The following GAS6 variants were observed in gnomAD, a reference collection of about 807,000 sequenced individuals.
The protein encoded by GAS6 is growth arrest-specific protein 6.
GAS6 carries 41 observed loss-of-function variants against 75.8 expected under a neutral mutation model. The ratio of observed to expected loss-of-function variants is 0.54; its 90% CI spans 0.42 to 0.70. The LOEUF (loss-of-function observed/expected upper bound fraction) is 0.70. Ranked by LOEUF, GAS6 falls within the 30% of genes least tolerant of loss-of-function variation. GAS6 has a pLI of 0.00. For synonymous variants in GAS6, 432 were observed against 412.6 expected, an observed-to-expected ratio of 1.05 and a Z score of -0.57; for missense variants, 854 against 940.2, an observed-to-expected ratio of 0.91 and a Z score of 1.20.
At position 113,828,998 on chromosome 13, in the gene GAS6, C is replaced by T. The variant is rs1278171815; in HGVS notation, c.1144-287G>A. Among the ~76,000 whole-genome samples, 14 of 98,660 alleles carry T rather than the reference C, an allele frequency of 1.4e-4. 3 individuals are homozygous for T. Among genetic ancestry groups the T allele is most frequent in the Admixed American group, 3.7e-4 (4 of 10,828 alleles). 64.7% of individuals were successfully genotyped at this position (98,660 alleles called of 152,430 possible). A position where few individuals can be genotyped will look rare whatever the true frequency, so the allele number is the denominator to read the frequency against. On this transcript the variant is annotated intron_variant, in intron 10 of 14. Coordinates refer to ENST00000327773, the MANE Select transcript of GAS6 (RefSeq NM_000820.4). The stretch of plus-strand genomic sequence containing the variant: ...ATCCTCCCCTGAGCCAAGAGGGTCC[C>T]GATCTCAGGGAGACCACCTGATCCT...
At chr13:113,840,521 T>G (rs921168888) in intron 4 of GAS6, 1 of 152,070 alleles carries the variant, frequency 6.6e-6, no homozygotes, top group African/African-American at 2.4e-5. Flanking sequence ...TCCCAAGCAG[T>G]CCCCCATCCG....
At position 113,839,873 on chromosome 13, in the gene GAS6, A is replaced by G. The variant is rs761852258; in HGVS notation, c.344-23T>C. ...GGTCTGATTGGGGACACAAAGTGGA[A>G]AATCATGTTCAGCTGCCCCACCCCT... On this transcript the variant is annotated intron_variant, in intron 4 of 14. Coordinates refer to ENST00000327773, the MANE Select transcript of GAS6 (RefSeq NM_000820.4). 3 of 1,613,344 alleles carry G rather than the reference A, an allele frequency of 1.9e-6. No homozygotes were observed. In the African/African-American group the frequency reaches 4.0e-5, roughly 22 times the overall value.
At chr13:113,838,245 A>G in intron 5 of GAS6, 54 bp from the exon 6 acceptor site, 1 of 1,597,452 alleles carries the variant, frequency 6.3e-7, no homozygotes. Flanking sequence ...GCCCCTGGCT[A>G]CGGTAGGAAG....
Position 113,863,482 on chromosome 13 carries a change from A to G in GAS6, c.255+93T>C, listed in dbSNP as rs2051989753. On this transcript the variant is annotated intron_variant, in intron 2 of 14. Coordinates refer to ENST00000327773, the MANE Select transcript of GAS6 (RefSeq NM_000820.4). The surrounding 1 kb of genome is among the most constrained non-coding windows in gnomAD (Gnocchi z 9.4). Reference sequence around the variant, plus strand: ...CCTGAGGCCAGGCCTCGCCGCGCGGAGCTGGGGGGCGGCAGCAGCGCTGCC... The same window carrying G: ...CCTGAGGCCAGGCCTCGCCGCGCGGGGCTGGGGGGCGGCAGCAGCGCTGCC... 7.8e-7 allele frequency: 1 copy of G among 1,287,360 alleles called. No individual in the cohort carries two copies. The highest frequency in any genetic ancestry group is 1.6e-5 in the African/African-American group (1 of 62,988). 79.7% of individuals were successfully genotyped at this position (1,287,360 alleles called of 1,614,324 possible). A position where few individuals can be genotyped will look rare whatever the true frequency, so the allele number is the denominator to read the frequency against.
intron 14 of GAS6, 21 bp from the exon 15 acceptor site, chr13:113,821,039 AAC>A: frequency 6.2e-7 from 1 of 1,609,566 alleles, no homozygotes; most frequent in Non-Finnish European, 8.5e-7. Flanking sequence ...GGGAGAGAAC[AAC>A]ATATCTTAGC....
At position 113,844,511 on chromosome 13, in the gene GAS6, G is replaced by A. The variant is rs1438059552; in HGVS notation, c.343+2016C>T. The A allele has an allele frequency of 1.3e-5, 2 of 150,586 alleles. 1 individual carries two copies. The allele number at this position is 150,586 out of a possible 1,614,324, so 9.3% of individuals were successfully genotyped here. A position where few individuals can be genotyped will look rare whatever the true frequency, so the allele number is the denominator to read the frequency against. On this transcript the variant is annotated intron_variant, in intron 4 of 14. Transcript: ENST00000327773. This position sits in a 1 kb window ranked among gnomAD's most constrained non-coding sequence, Gnocchi z 5.7. Reference sequence around the variant, plus strand: ...TCCAAGGGACGGACAGGACGGTGCCGGGGTTAGGAAAGCGCAACACTGTTC... The same window carrying A: ...TCCAAGGGACGGACAGGACGGTGCCAGGGTTAGGAAAGCGCAACACTGTTC...
Position 113,827,076 on chromosome 13 carries a change from G to A in GAS6, c.1397C>T (p.Thr466Met), listed in dbSNP as rs778770154. 4.2e-5 allele frequency: 67 copies of A among 1,613,464 alleles called. No individual in the cohort carries two copies. Among genetic ancestry groups the A allele is most frequent in the East Asian group, 6.7e-5 (3 of 44,882 alleles). ...TTIQETVKVN[T>M]RMQCFSVTER... ...CGTCACCGAGAAGCACTGCATCCTC[G>A]TGTTCACTTTCACCGTTTCCTGGAT... Residue 466 changes from threonine to methionine, a missense_variant, in exon 12 of 15, where the codon ACG (threonine) becomes ATG (methionine). Physicochemically the swap from Thr to Met is moderately conservative, Grantham distance 81. Coordinates refer to ENST00000327773, the MANE Select transcript of GAS6 (RefSeq NM_000820.4).
chr13:113,857,181 G>A (rs1018207425), intron 2 of GAS6, among the ~76,000 whole-genome samples: 1 of 152,108 alleles, frequency 6.6e-6, no homozygotes, highest in African/African-American at 2.4e-5. Flanking sequence ...ATTTGAAAAC[G>A]GAGCCCCAGA....
Position 113,863,887 on chromosome 13 carries a change from G to C in GAS6, c.34C>G (p.Leu12Val). 3.6e-5 allele frequency: 43 copies of C among 1,199,880 alleles called. No homozygotes were observed. The highest frequency in any genetic ancestry group is 4.3e-5 in the Non-Finnish European group (42 of 969,956). 74.3% of individuals were successfully genotyped at this position (1,199,880 alleles called of 1,614,324 possible). A position where few individuals can be genotyped will look rare whatever the true frequency, so the allele number is the denominator to read the frequency against. The change falls in exon 1 of 15, where the codon CTG becomes GTG. Residue 12 changes from leucine (L) to valine (V), a missense_variant. Leu to Val is a conservative substitution (Grantham distance 32). Coordinates refer to ENST00000327773, the MANE Select transcript of GAS6 (RefSeq NM_000820.4). The surrounding 1 kb of genome is among the most constrained non-coding windows in gnomAD (Gnocchi z 9.4). ...APSLSPGPAA[L>V]RRAPQLLLLL... ...AGCAGCAGCTGCGGCGCGCGGCGCA[G>C]GGCGGCGGGCCCGGGCGAGAGCGAA...
intron 2 of GAS6, among the ~76,000 whole-genome samples, chr13:113,858,587 CTG>C (rs996505637): frequency 1.9e-4 from 27 of 142,730 alleles, no homozygotes; most frequent in African/African-American, 6.0e-4. Context: ...CTGTGTGTGA[CTG>C]TGTACGTATG....
At chr13:113,850,810 C>A (rs1175289627) in intron 2 of GAS6, among the ~76,000 whole-genome samples, 2 of 146,460 alleles carry the variant, frequency 1.4e-5, no homozygotes, top group East Asian at 2.1e-4. Flanking sequence ...GGATGAATGA[C>A]TGAACAGATG....
intron 2 of GAS6, among the ~76,000 whole-genome samples, chr13:113,849,396 G>A (rs548096718): frequency 9.2e-5 from 14 of 152,272 alleles, no homozygotes; most frequent in African/African-American, 3.4e-4. Context: ...AGTGAGCCCT[G>A]GTGGAGTCCT....
Position 113,863,442 on chromosome 13 carries a change from CG to C in GAS6, c.255+132del. 6 of 833,884 alleles carry C rather than the reference CG, an allele frequency of 7.2e-6. No homozygotes were observed. The highest frequency in any genetic ancestry group is 6.5e-6 in the Non-Finnish European group (4 of 611,364). The allele number at this position is 833,884 out of a possible 1,614,324, so 51.7% of individuals were successfully genotyped here. A position where few individuals can be genotyped will look rare whatever the true frequency, so the allele number is the denominator to read the frequency against. The stretch of plus-strand genomic sequence containing the variant: ...TGGGCGTGGGGGACGCGGGGCGGGC[CG>C]GGGCTCCTGGGACCCTGAGGCCAGG... On this transcript the variant is annotated intron_variant, in intron 2 of 14. Transcript: ENST00000327773. This position sits in a 1 kb window ranked among gnomAD's most constrained non-coding sequence, Gnocchi z 9.4.
chr13:113,852,837 C>T (rs1207365607), intron 2 of GAS6, among the ~76,000 whole-genome samples: 6 of 152,234 alleles, frequency 3.9e-5, no homozygotes, highest in East Asian at 1.9e-4. Flanking sequence ...CAGGGCACTG[C>T]GGTTCTCACG....
intron 12 of GAS6, 137 bp from the exon 13 acceptor site, chr13:113,823,687 G>T: frequency 1.2e-6 from 1 of 852,454 alleles, no homozygotes; most frequent in Non-Finnish European, 1.8e-6. Flanking sequence ...GGACGTGATG[G>T]AAAACTCAAC....
In GAS6 at chr13:113,832,484, C is replaced by T; in HGVS notation, c.958G>A (p.Val320Ile). 6.3e-7 allele frequency: 1 copy of T among 1,597,714 alleles called. No homozygotes were observed. Among genetic ancestry groups the T allele is most frequent in the South Asian group, 1.1e-5 (1 of 89,256 alleles). Residue 320 changes from valine (V) to isoleucine (I), a missense_variant, in exon 10 of 15, where the codon GTA becomes ATA. Val to Ile is a conservative substitution (Grantham distance 29). Coordinates refer to ENST00000327773, the MANE Select transcript of GAS6 (RefSeq NM_000820.4). Reference sequence around the variant, plus strand: ...AAGGTCCGGAAGTCAAACTCAGCTACCAGCCTGGGCACCCACAGGAGAAAT... The same window carrying T: ...AAGGTCCGGAAGTCAAACTCAGCTATCAGCCTGGGCACCCACAGGAGAAAT... Reference protein sequence around the residue: ...RFKRLQPTRLVAEFDFRTFDP... With the variant: ...RFKRLQPTRLIAEFDFRTFDP...
At chr13:113,831,170 C>T (rs993299788) in intron 10 of GAS6, among the ~76,000 whole-genome samples, 4 of 152,204 alleles carry the variant, frequency 2.6e-5, no homozygotes, top group African/African-American at 9.6e-5. Flanking sequence ...CACGTTTTAC[C>T]GCTGCCCACA....
chr13:113,859,208 GAC>G (rs2051947771), intron 2 of GAS6, among the ~76,000 whole-genome samples: 1 of 143,288 alleles, frequency 7.0e-6, no homozygotes, highest in Non-Finnish European at 1.5e-5. Flanking sequence ...CTGTGTGTGT[GAC>G]TGTGTACGTA....
At chr13:113,838,365 G>A (rs1006212908) in intron 5 of GAS6, 174 bp from the exon 6 acceptor site, 6 of 732,542 alleles carry the variant, frequency 8.2e-6, no homozygotes, top group Non-Finnish European at 1.3e-5. Flanking sequence ...CAGCCCTGGA[G>A]CAGGGAGGGA....
Sources: allele counts gnomAD v4.1 joint callset (sites outside exome capture counted in the v4.1 genomes callset), GRCh38; gene constraint gnomAD v4.1.1; non-coding constraint Gnocchi (gnomAD v3.1); transcripts MANE v1.5; gene names NCBI Gene and HGNC (gene_info 2026-07-23, HGNC 2026-07-21).